Variants in DIP2B observed in about 807,000 individuals in gnomAD.
The protein encoded by DIP2B is disco-interacting protein 2 homolog B.
DIP2B carries 76 observed loss-of-function variants against 198.0 expected under a neutral mutation model. The ratio of observed to expected loss-of-function variants is 0.38; its 90% confidence interval spans 0.32 to 0.46. The LOEUF is 0.46. Among genes scored for constraint, DIP2B ranks in the 20% least tolerant of loss-of-function variants. The pLI is 0.99. For synonymous variants in DIP2B, 701 were observed against 739.1 expected (o/e 0.95, Z 0.84); for missense variants, 1,559 against 1,978.4 (o/e 0.79, Z 4.02).
chr12:50,729,721 CT>C (rs971061380), intron 30 of DIP2B, among the ~76,000 whole-genome samples: 1 of 144,910 alleles, frequency 6.9e-6, no homozygotes, highest in Non-Finnish European at 1.5e-5. Flanking sequence ...GTCCTTTTTT[CT>C]TTTTTTTCTT....
intron 37 of DIP2B, among the ~76,000 whole-genome samples, chr12:50,742,006 T>A (rs1940252728): frequency 6.6e-6 from 1 of 152,196 alleles, no homozygotes; most frequent in Non-Finnish European, 1.5e-5. Context: ...TAGTTGATAT[T>A]ATCTCATCCA....
At chr12:50,624,887 C>G (rs1388071170) in intron 1 of DIP2B, among the ~76,000 whole-genome samples, 2 of 152,188 alleles carry the variant, frequency 1.3e-5, no homozygotes, top group African/African-American at 4.8e-5. Flanking sequence ...CCTGCTTCCT[C>G]TCCATCATCC....
rs528889074 is a variant in DIP2B at position 50,683,778 on chromosome 12, G to A, written c.1317+530G>A. ...AGCTTGGGCGACAGAGCAAGACTCCGTCTAAAAATAAATAGATAAATAAAT... is the reference window on the plus strand; with the variant it reads ...AGCTTGGGCGACAGAGCAAGACTCCATCTAAAAATAAATAGATAAATAAAT... On this transcript the variant is annotated intron_variant, in intron 10 of 37. Coordinates refer to ENST00000301180, the MANE Select transcript of DIP2B (RefSeq NM_173602.3). Among the ~76,000 whole-genome samples, 20 of 151,522 alleles carry A rather than the reference G, an allele frequency of 1.3e-4. No homozygotes were observed. The South Asian group carries it at 1.7e-3, about 13-fold the overall frequency.
At chr12:50,595,462 C>T (rs1454730674) in intron 1 of DIP2B, among the ~76,000 whole-genome samples, 1 of 152,122 alleles carries the variant, frequency 6.6e-6, no homozygotes, top group African/African-American at 2.4e-5. Context: ...TGCACCACCA[C>T]ACCTGGGCTT....
intron 16 of DIP2B, among the ~76,000 whole-genome samples, chr12:50,696,489 G>T: frequency 6.6e-6 from 1 of 152,114 alleles, no homozygotes; most frequent in Non-Finnish European, 1.5e-5. Flanking sequence ...GCTCATTCAT[G>T]TATAACCTCT....
intron 19 of DIP2B, among the ~76,000 whole-genome samples, chr12:50,700,958 C>T (rs1939406622): frequency 6.6e-6 from 1 of 152,202 alleles, no homozygotes; most frequent in African/African-American, 2.4e-5. Context: ...GTGATCCTCT[C>T]ATCTTGGCCT....
chr12:50,623,707 A>G lies in DIP2B; in HGVS notation c.101-2269A>G, dbSNP rs147643668. 3.2e-3 allele frequency among the ~76,000 whole-genome samples: 488 copies of G among 152,286 alleles called. 2 individuals are homozygous for G. Among genetic ancestry groups the G allele is most frequent in the African/African-American group, 0.011 (469 of 41,542 alleles). The stretch of plus-strand genomic sequence containing the variant: ...GTTCTGCAGCTTGCCTTTTACACGT[A>G]ATGTATTACATCTCCTGTGGCAATA... On this transcript the variant is annotated intron_variant, in intron 1 of 37. Coordinates refer to ENST00000301180, the MANE Select transcript of DIP2B (RefSeq NM_173602.3).
At chr12:50,610,658 G>A (rs193090574) in intron 1 of DIP2B, among the ~76,000 whole-genome samples, 31 of 151,824 alleles carry the variant, frequency 2.0e-4, no homozygotes, top group African/African-American at 6.8e-4. Flanking sequence ...GGCGCCCGCC[G>A]CCATGCCCGG....
At chr12:50,532,803 C>G (rs1394099786) in intron 1 of DIP2B, among the ~76,000 whole-genome samples, 1 of 152,118 alleles carries the variant, frequency 6.6e-6, no homozygotes, top group Non-Finnish European at 1.5e-5. Flanking sequence ...GGGCGCTGTC[C>G]TTGGGCTCTC....
chr12:50,525,513 C>CCTTTT (rs1004857804), intron 1 of DIP2B, among the ~76,000 whole-genome samples: 2 of 139,360 alleles, frequency 1.4e-5, no homozygotes, highest in South Asian at 2.3e-4. Flanking sequence ...TCTAGGTCCC[C>CCTTTT]TTTTTTTTTT....
intron 1 of DIP2B, among the ~76,000 whole-genome samples, chr12:50,597,810 T>G (rs1565838829): frequency 6.6e-6 from 1 of 152,236 alleles, no homozygotes; most frequent in African/African-American, 2.4e-5. Context: ...TCAGTCTTTG[T>G]GCACATAAAG....
intron 1 of DIP2B, among the ~76,000 whole-genome samples, chr12:50,532,314 A>G (rs1333028475): frequency 6.6e-6 from 1 of 152,192 alleles, no homozygotes; most frequent in Non-Finnish European, 1.5e-5. Flanking sequence ...CAGGAGTTCC[A>G]GACCAGTCTG....
chr12:50,627,584 CT>C (rs1339647821), intron 2 of DIP2B, among the ~76,000 whole-genome samples: 2 of 152,204 alleles, frequency 1.3e-5, no homozygotes, highest in African/African-American at 2.4e-5. Flanking sequence ...CCATCTCAGC[CT>C]CCCAGAGTGT....
intron 2 of DIP2B, among the ~76,000 whole-genome samples, chr12:50,628,422 C>A (rs1236467876): frequency 1.3e-5 from 2 of 152,012 alleles, no homozygotes. Flanking sequence ...ATGAAAACGA[C>A]AAAAAATTGG....
intron 7 of DIP2B, among the ~76,000 whole-genome samples, chr12:50,676,425 G>A (rs987318979): frequency 3.2e-4 from 48 of 152,168 alleles, no homozygotes; most frequent in Non-Finnish European, 3.1e-4. Flanking sequence ...AGGTTAAGAT[G>A]AGTATCTGTT....
intron 3 of DIP2B, among the ~76,000 whole-genome samples, chr12:50,654,356 CT>C (rs762869779): frequency 5.1e-3 from 664 of 131,204 alleles, no homozygotes; most frequent in East Asian, 6.6e-3. Flanking sequence ...TTCTTTCTTT[CT>C]TTTTTTTTTT....
At chr12:50,543,950 C>T (rs1169904989) in intron 1 of DIP2B, among the ~76,000 whole-genome samples, 22 of 126,514 alleles carry the variant, frequency 1.7e-4, no homozygotes, top group Admixed American at 1.4e-3. Flanking sequence ...AAAAAGGAGG[C>T]TGGGCATGGT....
chr12:50,596,719 G>A (rs1455417364), intron 1 of DIP2B, among the ~76,000 whole-genome samples: 1 of 152,054 alleles, frequency 6.6e-6, no homozygotes, highest in Non-Finnish European at 1.5e-5. Context: ...TCAAAACTTA[G>A]CCAGTCTCAT....
intron 1 of DIP2B, among the ~76,000 whole-genome samples, chr12:50,612,028 A>C (rs948667615): frequency 6.6e-6 from 1 of 151,526 alleles, no homozygotes. Flanking sequence ...AAAAAAGCAG[A>C]TATCTTGGCC....
Sources: gnomAD v4.1 joint callset for allele counts (sites outside exome capture counted in the v4.1 genomes callset) on GRCh38, gnomAD v4.1.1 for gene constraint, MANE v1.5 for transcripts, NCBI Gene and HGNC (gene_info 2026-07-23, HGNC 2026-07-21) for gene names.